AFG2A: variants seen among roughly 807,000 people sequenced by gnomAD.
The protein encoded by AFG2A is AAA ATPase AFG2A.
the AFG2A span, among the ~76,000 whole-genome samples, chr4:123,114,369 G>A: frequency 6.6e-6 from 1 of 152,140 alleles, no homozygotes; most frequent in African/African-American, 2.4e-5. Context: ...GCATCCTGCT[G>A]CTGCCCATCA....
chr4:123,312,430 A>G, the AFG2A span, among the ~76,000 whole-genome samples: 180 of 152,328 alleles, frequency 1.2e-3, no homozygotes, highest in African/African-American at 3.8e-3. Flanking sequence ...AGTGCTGCTC[A>G]GAAGGGTGTG....
chr4:122,960,472 A>C, the AFG2A span, among the ~76,000 whole-genome samples: 1 of 152,190 alleles, frequency 6.6e-6, no homozygotes, highest in Non-Finnish European at 1.5e-5. Context: ...GAATATAAAT[A>C]GATCTTGATT....
the AFG2A span, among the ~76,000 whole-genome samples, chr4:123,121,244 A>C: frequency 1.3e-5 from 1 of 78,436 alleles, no homozygotes; most frequent in African/African-American, 2.8e-5. Context: ...TAAGAGTCAA[A>C]AAGTAAAAAA....
At chr4:123,043,868 A>G in the AFG2A span, among the ~76,000 whole-genome samples, 19 of 152,176 alleles carry the variant, frequency 1.2e-4, no homozygotes, top group Non-Finnish European at 2.4e-4. Flanking sequence ...GCTTTTGCTC[A>G]CTTTCTCAAA....
At chr4:123,011,398 G>T in the AFG2A span, among the ~76,000 whole-genome samples, 1 of 152,128 alleles carries the variant, frequency 6.6e-6, no homozygotes, top group African/African-American at 2.4e-5. Context: ...CAACTATTTG[G>T]ACAGATTAGG....
At chr4:123,250,472 A>T in the AFG2A span, among the ~76,000 whole-genome samples, 3 of 152,186 alleles carry the variant, frequency 2.0e-5, no homozygotes, top group African/African-American at 7.2e-5. Flanking sequence ...CCAATACGAT[A>T]ATTTTTAGTC....
At chr4:123,164,078 C>A in the AFG2A span, among the ~76,000 whole-genome samples, 1 of 152,142 alleles carries the variant, frequency 6.6e-6, no homozygotes, top group African/African-American at 2.4e-5. Context: ...GCACATTTAA[C>A]CATGGTGTTC....
the AFG2A span, among the ~76,000 whole-genome samples, chr4:122,957,984 A>G: frequency 6.6e-6 from 1 of 152,220 alleles, no homozygotes; most frequent in South Asian, 2.1e-4. Context: ...ATTACCCTAT[A>G]CACCCTTGAT....
chr4:123,061,496 G>A, the AFG2A span, among the ~76,000 whole-genome samples: 1 of 152,192 alleles, frequency 6.6e-6, no homozygotes, highest in African/African-American at 2.4e-5. Flanking sequence ...GAGAGCTTGT[G>A]CAGGGCAACT....
At chr4:123,313,623 A>G in the AFG2A span, among the ~76,000 whole-genome samples, 1 of 152,224 alleles carries the variant, frequency 6.6e-6, no homozygotes, top group Non-Finnish European at 1.5e-5. Flanking sequence ...TTAAAAGCAA[A>G]TGCCACTTCT....
At chr4:123,231,633 G>A in the AFG2A span, among the ~76,000 whole-genome samples, 1 of 152,020 alleles carries the variant, frequency 6.6e-6, no homozygotes, top group East Asian at 1.9e-4. Context: ...CTTACTGATT[G>A]GCAGAGGAGG....
the AFG2A span, among the ~76,000 whole-genome samples, chr4:123,289,981 C>T: frequency 6.6e-6 from 1 of 152,040 alleles, no homozygotes; most frequent in East Asian, 1.9e-4. Context: ...ACCCAGTATG[C>T]ATTCACTGTT....
At chr4:122,959,005 A>C in the AFG2A span, among the ~76,000 whole-genome samples, 3 of 152,158 alleles carry the variant, frequency 2.0e-5, no homozygotes, top group Non-Finnish European at 2.9e-5. Context: ...AGAGCTCGTG[A>C]AAACACAGTT....
the AFG2A span, among the ~76,000 whole-genome samples, chr4:122,944,966 C>T: frequency 5.8e-4 from 89 of 152,242 alleles, 1 homozygote; most frequent in South Asian, 0.017. Context: ...TCCTGAACCG[C>T]GAATGCTGCT....
At chr4:123,190,395 A>T in the AFG2A span, among the ~76,000 whole-genome samples, 1 of 152,226 alleles carries the variant, frequency 6.6e-6, no homozygotes, top group Non-Finnish European at 1.5e-5. Flanking sequence ...AAGGCAAAAA[A>T]TAAAGCAGTG....
chr4:122,973,465 T>TG, the AFG2A span, among the ~76,000 whole-genome samples: 1 of 150,416 alleles, frequency 6.6e-6, no homozygotes, highest in Non-Finnish European at 1.5e-5. Context: ...TTTTTTTTCC[T>TG]GTTTTTTTTT....
chr4:123,113,814 G>T, the AFG2A span, among the ~76,000 whole-genome samples: 1 of 152,132 alleles, frequency 6.6e-6, no homozygotes, highest in South Asian at 2.1e-4. Context: ...GCAAGACAAA[G>T]AGGAGCTTTA....
chr4:122,951,696 G>A, the AFG2A span, among the ~76,000 whole-genome samples: 13 of 152,158 alleles, frequency 8.5e-5, no homozygotes, highest in African/African-American at 2.9e-4. Flanking sequence ...CAGCTCATTG[G>A]CTGCTATGTC....
chr4:123,187,707 A>T, the AFG2A span, among the ~76,000 whole-genome samples: 2 of 152,110 alleles, frequency 1.3e-5, no homozygotes, highest in Non-Finnish European at 2.9e-5. Flanking sequence ...AAATTTTGAA[A>T]AAAAGAAAAC....
Sources: gnomAD v4.1 joint callset for allele counts (sites outside exome capture counted in the v4.1 genomes callset) on GRCh38, gnomAD v4.1.1 for gene constraint, MANE v1.5 for transcripts, NCBI Gene and HGNC (gene_info 2026-07-23, HGNC 2026-07-21) for gene names.